Variants in EPHA6 observed in about 807,000 individuals in gnomAD.
The protein encoded by EPHA6 is EPH receptor A6, also known as ephrin type-A receptor 6.
A neutral mutation model predicts 112.0 loss-of-function variants in EPHA6; 50 were observed. That is an observed-to-expected ratio of 0.45 (90% CI 0.36 to 0.56). The LOEUF (loss-of-function observed/expected upper bound fraction) is 0.56. Among genes scored for constraint, EPHA6 ranks in the 20% least tolerant of loss-of-function variants. The pLI, the probability that EPHA6 is intolerant of heterozygous loss-of-function variation, is 0.00. For missense variants in EPHA6, 1,280 were observed against 1,417.4 expected (o/e 0.90, Z 1.56); for synonymous variants, 529 against 490.7 (o/e 1.08, Z -1.03).
At chr3:97,378,115 G>A (rs1229107136) in intron 5 of EPHA6, among the ~76,000 whole-genome samples, 1 of 152,124 alleles carries the variant, frequency 6.6e-6, no homozygotes, top group Non-Finnish European at 1.5e-5. Flanking sequence ...TTTATGGGCA[G>A]GGCCCAGGGT....
At chr3:97,028,811 A>G (rs2044727157) in intron 3 of EPHA6, among the ~76,000 whole-genome samples, 3 of 152,000 alleles carry the variant, frequency 2.0e-5, no homozygotes, top group Non-Finnish European at 4.4e-5. Context: ...CTTATGGATC[A>G]TAGTAAAATA....
chr3:96,864,453 C>T (rs1377058407), intron 1 of EPHA6, among the ~76,000 whole-genome samples: 2 of 151,952 alleles, frequency 1.3e-5, no homozygotes, highest in Non-Finnish European at 2.9e-5. Flanking sequence ...CAAAAGGCTA[C>T]ATGCTATATG....
intron 5 of EPHA6, among the ~76,000 whole-genome samples, chr3:97,323,574 T>C (rs1342857813): frequency 6.6e-6 from 1 of 151,924 alleles, no homozygotes; most frequent in Non-Finnish European, 1.5e-5. Context: ...ACTAAACTTA[T>C]GAAACTTGTT....
chr3:96,930,129 A>G (rs1014984297), intron 2 of EPHA6, among the ~76,000 whole-genome samples: 8 of 152,284 alleles, frequency 5.3e-5, no homozygotes, highest in African/African-American at 1.2e-4. Context: ...TTGTTTCATC[A>G]TAATTCTTAG....
intron 5 of EPHA6, among the ~76,000 whole-genome samples, chr3:97,276,239 A>G (rs1359562117): frequency 6.6e-6 from 1 of 152,180 alleles, no homozygotes; most frequent in Non-Finnish European, 1.5e-5. Context: ...GGGCAGTGTC[A>G]GTCTTCAGCC....
chr3:97,289,944 A>T (rs569140890), intron 5 of EPHA6, among the ~76,000 whole-genome samples: 2 of 151,568 alleles, frequency 1.3e-5, no homozygotes, highest in South Asian at 4.2e-4. Flanking sequence ...GAATTTTTGG[A>T]TCTCAATTTT....
intron 5 of EPHA6, among the ~76,000 whole-genome samples, chr3:97,246,257 A>G (rs1361620704): frequency 6.6e-6 from 1 of 151,952 alleles, no homozygotes; most frequent in Non-Finnish European, 1.5e-5. Flanking sequence ...ATTTTTAGCT[A>G]CAGGGAAAAA....
At chr3:97,637,778 G>C (rs2093961169) in intron 13 of EPHA6, 95 bp from the exon 14 acceptor site, 3 of 880,180 alleles carry the variant, frequency 3.4e-6, no homozygotes, top group Admixed American at 4.2e-5. Flanking sequence ...ATCTTCATTT[G>C]ATCCAATAAA....
chr3:96,857,382 C>T (rs963834225), intron 1 of EPHA6, among the ~76,000 whole-genome samples: 2 of 152,080 alleles, frequency 1.3e-5, no homozygotes, highest in East Asian at 3.9e-4. Context: ...TATATTGAAG[C>T]CATGCTGCTC....
chr3:97,240,060 A>G (rs1483919950), intron 4 of EPHA6, among the ~76,000 whole-genome samples: 4 of 151,802 alleles, frequency 2.6e-5, no homozygotes, highest in African/African-American at 9.7e-5. Flanking sequence ...CTGTGCTAAG[A>G]TTGGAGCTCC....
intron 2 of EPHA6, among the ~76,000 whole-genome samples, chr3:96,934,344 T>A (rs934103790): frequency 6.6e-6 from 1 of 151,784 alleles, no homozygotes; most frequent in Non-Finnish European, 1.5e-5. Context: ...TTTTATTTTA[T>A]CTTATACCAT....
At chr3:97,699,544 G>T (rs539190610) in intron 14 of EPHA6, among the ~76,000 whole-genome samples, 48 of 152,150 alleles carry the variant, frequency 3.2e-4, no homozygotes, top group Non-Finnish European at 5.6e-4. Context: ...CTAGGATTCG[G>T]ATGTAAGCAG....
At chr3:97,011,692 G>T (rs2107944224) in intron 3 of EPHA6, among the ~76,000 whole-genome samples, 1 of 152,180 alleles carries the variant, frequency 6.6e-6, no homozygotes, top group South Asian at 2.1e-4. Flanking sequence ...TTACATGCTG[G>T]TTTTGTGGGT....
intron 5 of EPHA6, among the ~76,000 whole-genome samples, chr3:97,258,535 C>T (rs1003428356): frequency 3.3e-5 from 5 of 152,092 alleles, no homozygotes; most frequent in African/African-American, 9.7e-5. Context: ...TTTTATGAAT[C>T]TCTTGGGCCC....
In EPHA6 at chr3:97,750,995, G is replaced by T. The variant is rs1477328039; in HGVS notation, c.*2294G>T. Among the ~76,000 whole-genome samples the T allele has an allele frequency of 6.6e-6, 1 of 151,594 alleles. No individual in the cohort carries two copies. The highest frequency in any genetic ancestry group is 1.9e-4 in the East Asian group (1 of 5,168). On this transcript the variant is annotated 3_prime_UTR_variant, in exon 18 of 18. Transcript: ENST00000389672. ...TACACAAATCTGGATACACTTAGAA[G>T]AAATATAAAATTTCCATATTTACCT... is the stretch of plus-strand genomic sequence containing the variant.
chr3:97,087,830 T>C (rs1056961688), intron 3 of EPHA6, among the ~76,000 whole-genome samples: 4 of 152,190 alleles, frequency 2.6e-5, no homozygotes, highest in African/African-American at 9.6e-5. Flanking sequence ...ACAGTTCTCA[T>C]TTATTGAGTA....
intron 2 of EPHA6, among the ~76,000 whole-genome samples, chr3:96,940,558 C>G (rs888454796): frequency 6.6e-6 from 1 of 152,126 alleles, no homozygotes. Context: ...ACCCAATTTT[C>G]CAGTCTGTGT....
chr3:97,047,782 T>C (rs2045561459), intron 3 of EPHA6, among the ~76,000 whole-genome samples: 1 of 152,080 alleles, frequency 6.6e-6, no homozygotes, highest in Admixed American at 6.6e-5. Flanking sequence ...CAATGAGCAT[T>C]GGAGTAATAA....
intron 2 of EPHA6, among the ~76,000 whole-genome samples, chr3:96,984,396 C>T (rs926207945): frequency 6.6e-6 from 1 of 152,176 alleles, no homozygotes. Flanking sequence ...ATGTTGCTGC[C>T]TGATTGTTCC....
Sources: allele counts gnomAD v4.1 joint callset (sites outside exome capture counted in the v4.1 genomes callset), GRCh38; gene constraint gnomAD v4.1.1; transcripts MANE v1.5; gene names NCBI Gene and HGNC (gene_info 2026-07-23, HGNC 2026-07-21).